Variants in ATXN2 observed in about 807,000 individuals in gnomAD.
The protein encoded by ATXN2 is ataxin 2, also known as ataxin-2.
Under a neutral mutation model 138.6 loss-of-function variants are expected in ATXN2, and 37 were observed. The observed-to-expected ratio is 0.27, with a 90% confidence interval of 0.21 to 0.35. The LOEUF (loss-of-function observed/expected upper bound fraction) is 0.35, where lower values mean the gene tolerates loss of function less well. ATXN2 is among the 10% of genes least tolerant of loss of function. The probability of loss-of-function intolerance (pLI) is 1.00; values close to 1 mark genes in which losing one functional copy is unlikely to be tolerated. For missense variants in ATXN2, 1,216 were observed against 1,480.3 expected (o/e 0.82, Z 2.93); for synonymous variants, 549 against 543.7 (o/e 1.01, Z -0.13).
chr12:111,499,389 T>C (rs1395706379), intron 14 of ATXN2, among the ~76,000 whole-genome samples: 1 of 152,020 alleles, frequency 6.6e-6, no homozygotes, highest in Non-Finnish European at 1.5e-5. Context: ...GGGCAAAAGA[T>C]CTGAATAGAC....
intron 1 of ATXN2, among the ~76,000 whole-genome samples, chr12:111,569,675 C>T (rs537055368): frequency 6.6e-6 from 1 of 152,268 alleles, no homozygotes; most frequent in East Asian, 1.9e-4. Context: ...AGGATCATGC[C>T]ACTGGACTCC....
chr12:111,475,876 T>C (rs1322114674), intron 18 of ATXN2, among the ~76,000 whole-genome samples: 1 of 152,200 alleles, frequency 6.6e-6, no homozygotes, highest in Non-Finnish European at 1.5e-5. Context: ...ACACTTGTTA[T>C]ATGATAAAAT....
At position 111,598,814 on chromosome 12, in the gene ATXN2, G is replaced by A. The variant is rs1435679271; in HGVS notation, c.221C>T (p.Thr74Ile). ...ATAPSSVVAA[T>I]SGGGRPGLGR... ...CAGGCCGGGCCTCCCGCCGCCGGAG[G>A]TCGCCGCGACCACCGAGGAGGGAGC... is the stretch of plus-strand genomic sequence containing the variant. Residue 74 changes from threonine to isoleucine, a missense_variant, in exon 1 of 25, where the codon ACC becomes ATC. Around this residue, in one of 4 missense-constraint regions of ATXN2, gnomAD observed 401 missense variants for 528.1 expected, o/e 0.76. Coordinates refer to ENST00000673436, the MANE Select transcript of ATXN2 (RefSeq NM_001372574.1). The surrounding 1 kb of genome is among the most constrained non-coding windows in gnomAD (Gnocchi z 4.5). The A allele has an allele frequency of 4.2e-6, 6 of 1,413,504 alleles. No homozygotes were observed. Among genetic ancestry groups the A allele is most frequent in the Non-Finnish European group, 5.5e-6 (6 of 1,091,854 alleles). The allele number at this position is 1,413,504 out of a possible 1,614,324, so 87.6% of individuals were successfully genotyped here.
chr12:111,456,849 G>A (rs1875141095), intron 22 of ATXN2, among the ~76,000 whole-genome samples: 1 of 152,068 alleles, frequency 6.6e-6, no homozygotes, highest in Admixed American at 6.5e-5. Flanking sequence ...CCGGGTTCAC[G>A]CCATTCTCCT....
chr12:111,579,558 G>A (rs964024728), intron 1 of ATXN2, among the ~76,000 whole-genome samples: 8 of 151,176 alleles, frequency 5.3e-5, no homozygotes, highest in Non-Finnish European at 7.4e-5. Context: ...CATCGCACCC[G>A]GCCTCCAGCT....
At chr12:111,547,672 C>T (rs142151980) in intron 5 of ATXN2, among the ~76,000 whole-genome samples, 1 of 150,574 alleles carries the variant, frequency 6.6e-6, no homozygotes, top group Non-Finnish European at 1.5e-5. Flanking sequence ...TTGCAGTGAG[C>T]GAAGATTGCA....
intron 1 of ATXN2, among the ~76,000 whole-genome samples, chr12:111,569,140 T>C (rs1037954973): frequency 2.0e-5 from 3 of 152,204 alleles, no homozygotes; most frequent in Admixed American, 6.5e-5. Context: ...CAAGAACTAA[T>C]ATCAGCATTA....
intron 1 of ATXN2, among the ~76,000 whole-genome samples, chr12:111,579,409 TGC>T (rs1883859708): frequency 6.6e-6 from 1 of 152,058 alleles, no homozygotes; most frequent in African/African-American, 2.4e-5. Flanking sequence ...ATTACAGGCA[TGC>T]GCCACCACGC....
chr12:111,575,954 C>T (rs1015068691), intron 1 of ATXN2, among the ~76,000 whole-genome samples: 27 of 152,062 alleles, frequency 1.8e-4, no homozygotes, highest in Admixed American at 4.6e-4. Flanking sequence ...CGGTGGTGGG[C>T]GCCTGTAATC....
At position 111,497,551 on chromosome 12, in the gene ATXN2, T is replaced by C. The variant is rs570140087; in HGVS notation, c.1936-8771A>G. ...GACTAAGTGGGATTCATCCCAGGGA[T>C]GCAAGGATGGTTCGACATACGCAAA... is the stretch of plus-strand genomic sequence containing the variant. On this transcript the variant is annotated intron_variant, in intron 14 of 24. Transcript: ENST00000673436. 2.8e-3 allele frequency among the ~76,000 whole-genome samples: 421 copies of C among 152,190 alleles called. 4 individuals carry two copies. The highest frequency in any genetic ancestry group is 9.6e-3 in the African/African-American group (398 of 41,542).
chr12:111,506,518 C>A (rs945469349), intron 14 of ATXN2, among the ~76,000 whole-genome samples: 1 of 151,926 alleles, frequency 6.6e-6, no homozygotes, highest in Admixed American at 6.6e-5. Flanking sequence ...ATATTAAATT[C>A]AATCCAAGTG....
At chr12:111,482,686 C>T (rs1026553341) in intron 18 of ATXN2, 1 of 151,856 alleles carries the variant, frequency 6.6e-6, no homozygotes, top group Non-Finnish European at 1.5e-5. Flanking sequence ...TACATGAACA[C>T]CTTAACACTA....
chr12:111,472,804 C>CCT (rs1389874460), intron 18 of ATXN2, among the ~76,000 whole-genome samples: 1 of 151,898 alleles, frequency 6.6e-6, no homozygotes, highest in Non-Finnish European at 1.5e-5. Flanking sequence ...GAACTCCAGA[C>CCT]CTCAGGTGAT....
chr12:111,452,959 G>A (rs1040508029), intron 24 of ATXN2, 119 bp from the exon 25 acceptor site: 3 of 1,068,954 alleles, frequency 2.8e-6, no homozygotes, highest in African/African-American at 1.8e-5. Flanking sequence ...ACTCAAAATT[G>A]AATTCGCTTT....
At chr12:111,456,312 AG>A in intron 22 of ATXN2, 56 bp from the exon 23 acceptor site, 1 of 1,577,278 alleles carries the variant, frequency 6.3e-7, no homozygotes, top group Non-Finnish European at 8.7e-7. Context: ...AAAGCAGCCA[AG>A]GGATACCCAC....
intron 14 of ATXN2, among the ~76,000 whole-genome samples, chr12:111,506,836 G>C (rs928067002): frequency 6.6e-6 from 1 of 152,098 alleles, no homozygotes; most frequent in South Asian, 2.1e-4. Flanking sequence ...ACTGGTTTTC[G>C]TATTTTTTTG....
intron 21 of ATXN2, among the ~76,000 whole-genome samples, chr12:111,462,881 C>A (rs1342662951): frequency 6.6e-6 from 1 of 151,792 alleles, no homozygotes; most frequent in Admixed American, 6.6e-5. Flanking sequence ...ATACATACAG[C>A]AAGACTCCTT....
At chr12:111,584,402 A>C (rs1884203129) in intron 1 of ATXN2, among the ~76,000 whole-genome samples, 2 of 149,604 alleles carry the variant, frequency 1.3e-5, no homozygotes, top group African/African-American at 2.4e-5. Flanking sequence ...AAAAAAAAAA[A>C]AAAAAAAAAT....
intron 14 of ATXN2, among the ~76,000 whole-genome samples, chr12:111,489,741 G>GTGATACC (rs1336020868): frequency 6.6e-6 from 1 of 151,846 alleles, no homozygotes; most frequent in Non-Finnish European, 1.5e-5. Context: ...GGGCAACATA[G>GTGATACC]TGATACCCTG....
Sources: gnomAD v4.1 joint callset for allele counts (sites outside exome capture counted in the v4.1 genomes callset) on GRCh38, gnomAD v4.1.1 for gene constraint, gnomAD v4.1.1 regional missense constraint, Gnocchi (gnomAD v3.1) non-coding constraint, MANE v1.5 for transcripts, NCBI Gene and HGNC (gene_info 2026-07-23, HGNC 2026-07-21) for gene names.